KIAA2012: variants seen among roughly 807,000 people sequenced by gnomAD.
KIAA2012 encodes KIAA2012, also known as uncharacterized protein KIAA2012.
KIAA2012 carries 125 observed loss-of-function variants against 150.6 expected under a neutral mutation model. The observed-to-expected ratio is 0.83, with a 90% CI of 0.72 to 0.96. The LOEUF (loss-of-function observed/expected upper bound fraction) is 0.96, where lower values mean the gene tolerates loss of function less well. KIAA2012 is among the 40% of genes least tolerant of loss of function. The pLI is 0.00. For missense variants in KIAA2012, 1,219 were observed against 1,354.9 expected (o/e 0.90, Z 1.57); for synonymous variants, 462 against 504.7 (o/e 0.92, Z 1.13).
intron 19 of KIAA2012, 116 bp from the exon 20 acceptor site, chr2:202,193,185 G>GAGTC (rs1242568940): frequency 9.6e-7 from 1 of 1,044,456 alleles, no homozygotes; most frequent in African/African-American, 1.6e-5. Flanking sequence ...GCAAAGTGTG[G>GAGTC]AGTCTGTTTT....
intron 14 of KIAA2012, among the ~76,000 whole-genome samples, chr2:202,164,081 G>T (rs1430706459): frequency 6.6e-6 from 1 of 152,086 alleles, no homozygotes; most frequent in Non-Finnish European, 1.5e-5. Context: ...TGTCACTACA[G>T]AATGAGGGTA....
At chr2:202,076,561 T>C (rs939744) in intron 2 of KIAA2012, among the ~76,000 whole-genome samples, 23,358 of 152,264 alleles carry the variant, frequency 0.15, 2,062 homozygotes, top group South Asian at 0.26. Context: ...TGTTGCATTA[T>C]AGCTAAATAT....
At chr2:202,133,132 T>TTA (rs1690996237) in intron 12 of KIAA2012, among the ~76,000 whole-genome samples, 1 of 96,438 alleles carries the variant, frequency 1.0e-5, no homozygotes, top group Non-Finnish European at 2.0e-5. Context: ...ATATATATAT[T>TTA]TTTTTTTTTT....
Position 202,188,202 on chromosome 2 carries a change from C to CA in KIAA2012, c.2431dup (p.Thr811AsnfsTer29). On this transcript the variant is annotated frameshift_variant, in exon 18 of 24. Coordinates refer to ENST00000498697, the MANE Select transcript of KIAA2012 (RefSeq NM_001277372.4). LOFTEE classifies it high-confidence loss of function. Reference sequence around the variant, plus strand: ...AGAGAAAGGAAAAACCCAAGAAAGACAAAACCAAAGGACCCAAAAGCGAGA... The same window carrying CA: ...AGAGAAAGGAAAAACCCAAGAAAGACAAAAACCAAAGGACCCAAAAGCGAGA... The CA allele has an allele frequency of 6.4e-7, 1 of 1,550,550 alleles. No homozygotes were observed. Among genetic ancestry groups the CA allele is most frequent in the Non-Finnish European group, 8.7e-7 (1 of 1,146,978 alleles).
chr2:202,100,537 C>A, intron 7 of KIAA2012, 88 bp downstream of exon 7: 1 of 1,402,648 alleles, frequency 7.1e-7, no homozygotes. Flanking sequence ...AATAAGGTGA[C>A]TCGAAAGGAT....
At chr2:202,100,246 C>G in intron 6 of KIAA2012, 61 bp from the exon 7 acceptor site, 1 of 1,492,424 alleles carries the variant, frequency 6.7e-7, no homozygotes. Flanking sequence ...AAAGTCAAAA[C>G]TCAACTGTTC....
chr2:202,097,827 C>A (rs1335343007), intron 5 of KIAA2012, among the ~76,000 whole-genome samples: 1 of 152,004 alleles, frequency 6.6e-6, no homozygotes, highest in East Asian at 1.9e-4. Context: ...TGAGCTCGGG[C>A]AATCTGCTGG....
intron 3 of KIAA2012, among the ~76,000 whole-genome samples, chr2:202,092,294 T>C (rs1170495639): frequency 6.6e-6 from 1 of 152,188 alleles, no homozygotes; most frequent in Non-Finnish European, 1.5e-5. Context: ...ATCAGTCCAA[T>C]GGCCCCTACC....
chr2:202,187,392 C>T (rs573914806), intron 17 of KIAA2012, among the ~76,000 whole-genome samples: 40 of 152,266 alleles, frequency 2.6e-4, no homozygotes, highest in African/African-American at 9.6e-4. Context: ...GCAACATCCG[C>T]CTCCCAGGTT....
At chr2:202,191,526 C>T (rs1449644045) in intron 19 of KIAA2012, among the ~76,000 whole-genome samples, 1 of 143,376 alleles carries the variant, frequency 7.0e-6, no homozygotes, top group East Asian at 2.0e-4. Flanking sequence ...GCCTGAGCAA[C>T]AGAACAAGAC....
chr2:202,146,010 C>T (rs1691287740), intron 13 of KIAA2012, among the ~76,000 whole-genome samples: 1 of 151,526 alleles, frequency 6.6e-6, no homozygotes, highest in African/African-American at 2.4e-5. Context: ...ATGGTAAAAA[C>T]AGCCAATGTT....
intron 22 of KIAA2012, chr2:202,197,934 G>A (rs1196041851): frequency 6.6e-6 from 1 of 151,440 alleles, no homozygotes; most frequent in Non-Finnish European, 1.5e-5. Flanking sequence ...AGCACTTTGG[G>A]AGGCTGAGGC....
At chr2:202,201,519 C>A in intron 22 of KIAA2012, 4 of 1,608,376 alleles carry the variant, frequency 2.5e-6, no homozygotes, top group Non-Finnish European at 3.4e-6. Context: ...AAGAATGTTG[C>A]CAGCAGTAGC....
At chr2:202,189,918 C>T (rs1230160068) in intron 18 of KIAA2012, among the ~76,000 whole-genome samples, 1 of 151,836 alleles carries the variant, frequency 6.6e-6, no homozygotes, top group East Asian at 1.9e-4. Context: ...ATGGCAAAAC[C>T]CTGTTTCTAC....
chr2:202,158,257 G>T (rs571262768), intron 14 of KIAA2012, among the ~76,000 whole-genome samples: 5 of 151,910 alleles, frequency 3.3e-5, no homozygotes, highest in African/African-American at 1.2e-4. Context: ...GCCTCCCAAA[G>T]TGCTGGGATT....
chr2:202,167,293 G>A (rs1406495987), intron 15 of KIAA2012, among the ~76,000 whole-genome samples: 5 of 152,056 alleles, frequency 3.3e-5, no homozygotes, highest in Admixed American at 6.6e-5. Context: ...AAACTTCAAT[G>A]TGCATCAGAA....
chr2:202,159,984 C>T (rs1691614556), intron 14 of KIAA2012, among the ~76,000 whole-genome samples: 1 of 152,188 alleles, frequency 6.6e-6, no homozygotes. Context: ...TCACTGATCC[C>T]TGCTAAGGGC....
chr2:202,110,711 A>G (rs184533690), intron 10 of KIAA2012, among the ~76,000 whole-genome samples: 8 of 152,286 alleles, frequency 5.3e-5, no homozygotes, highest in Middle Eastern at 3.4e-3. Context: ...CAGATTTCAC[A>G]TCTTTCATTT....
At chr2:202,200,926 G>A (rs573571365) in intron 22 of KIAA2012, among the ~76,000 whole-genome samples, 1 of 151,824 alleles carries the variant, frequency 6.6e-6, no homozygotes, top group African/African-American at 2.4e-5. Context: ...GGCTTGTCTC[G>A]AACTCCCGAC....
Sources: gnomAD v4.1 joint callset for allele counts (sites outside exome capture counted in the v4.1 genomes callset) on GRCh38, gnomAD v4.1.1 for gene constraint, MANE v1.5 for transcripts, NCBI Gene and HGNC (gene_info 2026-07-23, HGNC 2026-07-21) for gene names.